Variants in FLT3 observed in about 807,000 individuals in gnomAD.
FLT3 encodes the protein receptor-type tyrosine-protein kinase FLT3.
In FLT3, 46 loss-of-function variants were observed where a neutral mutation model predicts 126.6. The ratio of observed to expected loss-of-function variants is 0.36; its 90% CI spans 0.29 to 0.46. FLT3 has a LOEUF of 0.46. Among genes scored for constraint, FLT3 ranks in the 20% least tolerant of loss-of-function variants. The pLI, the probability that FLT3 is intolerant of heterozygous loss-of-function variation, is 1.00. For synonymous variants in FLT3, 404 were observed against 434.4 expected, an observed-to-expected ratio of 0.93 and a Z score of 0.87; for missense variants, 1,069 against 1,190.3, an observed-to-expected ratio of 0.90 and a Z score of 1.50.
chr13:28,028,122 CTT>C, intron 16 of FLT3, 54 bp downstream of exon 16: 5 of 846,418 alleles, frequency 5.9e-6, no homozygotes, highest in Non-Finnish European at 8.3e-6. Flanking sequence ...CAAACATCCT[CTT>C]TGTCATCAAG....
chr13:28,088,293 T>G (rs78534741), intron 1 of FLT3, among the ~76,000 whole-genome samples: 3 of 142,488 alleles, frequency 2.1e-5, no homozygotes, highest in African/African-American at 5.0e-5. Context: ...GAAAACATTC[T>G]TTTTTTTTTT....
intron 1 of FLT3, among the ~76,000 whole-genome samples, chr13:28,084,069 C>T (rs1027241469): frequency 1.4e-4 from 21 of 151,574 alleles, no homozygotes; most frequent in Admixed American, 6.6e-5. Context: ...GTTGCCTTGG[C>T]TGGACTTGAA....
At chr13:28,059,506 C>T (rs1465935957) in intron 3 of FLT3, among the ~76,000 whole-genome samples, 2 of 152,122 alleles carry the variant, frequency 1.3e-5, no homozygotes, top group African/African-American at 4.8e-5. Flanking sequence ...TGGATGAGAT[C>T]GATGTTCCTC....
intron 23 of FLT3, among the ~76,000 whole-genome samples, chr13:28,008,573 G>A (rs190459717): frequency 1.6e-4 from 25 of 152,086 alleles, no homozygotes; most frequent in Non-Finnish European, 2.8e-4. Flanking sequence ...TCCGCCTCCC[G>A]GTTTCAAGCA....
intron 2 of FLT3, among the ~76,000 whole-genome samples, chr13:28,069,365 T>C (rs1439080441): frequency 6.6e-6 from 1 of 152,178 alleles, no homozygotes; most frequent in Non-Finnish European, 1.5e-5. Context: ...TCCAAAATGA[T>C]GCTGAGCTTT....
At chr13:28,085,114 C>T (rs113045642) in intron 1 of FLT3, among the ~76,000 whole-genome samples, 10 of 151,894 alleles carry the variant, frequency 6.6e-5, no homozygotes, top group African/African-American at 2.2e-4. Context: ...GAGGCCGACA[C>T]GAGCGGATCA....
chr13:28,075,477 C>T (rs1180641284), intron 1 of FLT3, among the ~76,000 whole-genome samples: 1 of 152,088 alleles, frequency 6.6e-6, no homozygotes, highest in Admixed American at 6.6e-5. Context: ...GTAATCCCAG[C>T]ACTTTGGGAG....
At chr13:28,041,200 G>T (rs1308699030) in intron 9 of FLT3, among the ~76,000 whole-genome samples, 1 of 152,142 alleles carries the variant, frequency 6.6e-6, no homozygotes. Flanking sequence ...ACCTCAGGAA[G>T]GCAGTGTGGA....
chr13:28,024,168 GT>G (rs1872627958), intron 18 of FLT3, among the ~76,000 whole-genome samples: 1 of 129,758 alleles, frequency 7.7e-6, no homozygotes, highest in African/African-American at 2.9e-5. Flanking sequence ...GTCTCACTCT[GT>G]TGCCCAGGTT....
rs1375737998 is a variant in FLT3 at position 28,100,436 on chromosome 13, G to C, written c.43+32C>G. 2.5e-6 allele frequency: 3 copies of C among 1,214,948 alleles called. No individual in the cohort carries two copies. Among genetic ancestry groups the C allele is most frequent in the African/African-American group, 1.6e-5 (1 of 63,638 alleles). The allele number at this position is 1,214,948 out of a possible 1,614,324, so 75.3% of individuals were successfully genotyped here. On this transcript the variant is annotated intron_variant, in intron 1 of 23. Coordinates refer to ENST00000241453, the MANE Select transcript of FLT3 (RefSeq NM_004119.3). The surrounding 1 kb of genome is among the most constrained non-coding windows in gnomAD (Gnocchi z 4.8). ...TGCGGGGTGGGGGCTGAGGGACCGC[G>C]AGGGGCTGCGAGCGAGCGAGCGGGG...
At chr13:28,099,967 C>A (rs1417681296) in intron 1 of FLT3, among the ~76,000 whole-genome samples, 2 of 152,172 alleles carry the variant, frequency 1.3e-5, no homozygotes, top group Non-Finnish European at 2.9e-5. Context: ...TAGGGGAGAA[C>A]GCGGACGCAT....
Position 28,049,451 on chromosome 13 carries a change from G to A in FLT3, c.969C>T (p.Asn323=), listed in dbSNP as rs373170476. 3.2e-5 allele frequency: 51 copies of A among 1,613,638 alleles called. No homozygotes were observed. Among genetic ancestry groups the A allele is most frequent in the Admixed American group, 6.7e-5 (4 of 59,978 alleles). ...LFAFVSSVAR[N]DTGYYTCSSS... ...AGGAACAAGTGTAGTATCCGGTGTC[G>A]TTTCTTGCCACTGATGATACAAAAG... The change falls in exon 8 of 24, where the codon AAC becomes AAT. Residue 323 remains asparagine, a synonymous_variant. Transcript: ENST00000241453.
chr13:28,057,581 G>A (rs938274146), intron 3 of FLT3, 119 bp from the exon 4 acceptor site: 29 of 639,664 alleles, frequency 4.5e-5, no homozygotes, highest in Admixed American at 2.4e-4. Flanking sequence ...CACGGAAGCC[G>A]CTCTGTGGAG....
intron 4 of FLT3, among the ~76,000 whole-genome samples, chr13:28,053,722 T>A (rs1875754989): frequency 6.6e-6 from 1 of 152,004 alleles, no homozygotes; most frequent in African/African-American, 2.4e-5. Context: ...CAACCTTATG[T>A]TTTTAAAATT....
chr13:28,069,654 C>T (rs1270448769), intron 2 of FLT3, among the ~76,000 whole-genome samples: 1 of 151,884 alleles, frequency 6.6e-6, no homozygotes, highest in African/African-American at 2.4e-5. Context: ...GAAAATATTC[C>T]GAAAAAAATG....
At position 28,052,691 on chromosome 13, in the gene FLT3, T is replaced by A. The variant is rs780763344; in HGVS notation, c.485-17A>T. The A allele has an allele frequency of 6.5e-7, 1 of 1,531,664 alleles. No individual in the cohort carries two copies. The highest frequency in any genetic ancestry group is 9.0e-7 in the Non-Finnish European group (1 of 1,115,948). The allele number at this position is 1,531,664 out of a possible 1,614,324, so 94.9% of individuals were successfully genotyped here. A position where few individuals can be genotyped will look rare whatever the true frequency, so the allele number is the denominator to read the frequency against. ...GCAGGGTATCTAAAGCATCATAAGT[T>A]ATTAACATTTTACTATTTTAAAAAT... is the stretch of plus-strand genomic sequence containing the variant. On this transcript the variant is annotated splice_polypyrimidine_tract_variant and intron_variant, in intron 4 of 23. Transcript: ENST00000241453.
At chr13:28,039,181 C>A (rs1874114110) in intron 9 of FLT3, among the ~76,000 whole-genome samples, 1 of 152,136 alleles carries the variant, frequency 6.6e-6, no homozygotes, top group Admixed American at 6.5e-5. Context: ...AGCAGAATAT[C>A]ATGAACAGTA....
chr13:28,095,782 TG>T (rs1010507498), intron 1 of FLT3, among the ~76,000 whole-genome samples: 6 of 152,284 alleles, frequency 3.9e-5, no homozygotes, highest in African/African-American at 1.4e-4. Flanking sequence ...TCACCCTGCT[TG>T]CCGAGTGTCA....
intron 17 of FLT3, among the ~76,000 whole-genome samples, chr13:28,026,523 T>C (rs1459737844): frequency 2.0e-5 from 3 of 152,110 alleles, no homozygotes; most frequent in Admixed American, 2.0e-4. Flanking sequence ...CCCTCATTTA[T>C]GCCCGCTAAA....
Sources: gnomAD v4.1 joint callset for allele counts (sites outside exome capture counted in the v4.1 genomes callset) on GRCh38, gnomAD v4.1.1 for gene constraint, Gnocchi (gnomAD v3.1) non-coding constraint, MANE v1.5 for transcripts, NCBI Gene and HGNC (gene_info 2026-07-23, HGNC 2026-07-21) for gene names.